GALNT14: variants seen among roughly 807,000 people sequenced by gnomAD.
The protein encoded by GALNT14 is UDP-GalNAc:polypeptide N-acetylgalactosaminyltransferase 14.
In GALNT14, 60 loss-of-function variants were observed where a neutral mutation model predicts 77.5. The ratio of observed to expected loss-of-function variants is 0.77; its 90% CI spans 0.63 to 0.96. The LOEUF (loss-of-function observed/expected upper bound fraction) is 0.96. GALNT14 is among the 40% of genes least tolerant of loss of function. GALNT14 has a pLI of 0.00. For missense variants in GALNT14, 710 were observed against 731.0 expected (o/e 0.97, Z 0.33); for synonymous variants, 280 against 281.7 (o/e 0.99, Z 0.06).
chr2:31,090,458 A>G (rs1247076121), intron 1 of GALNT14, among the ~76,000 whole-genome samples: 2 of 144,780 alleles, frequency 1.4e-5, no homozygotes, highest in Non-Finnish European at 3.0e-5. Context: ...CTCTGCTTGC[A>G]CTGCCTAAGG....
intron 1 of GALNT14, among the ~76,000 whole-genome samples, chr2:31,098,396 T>A (rs1447277829): frequency 6.6e-6 from 1 of 152,166 alleles, no homozygotes; most frequent in Non-Finnish European, 1.5e-5. Context: ...GTGCATCATC[T>A]TCTGACATGA....
chr2:30,968,521 A>G (rs1668146485), intron 2 of GALNT14, among the ~76,000 whole-genome samples: 1 of 152,194 alleles, frequency 6.6e-6, no homozygotes, highest in Admixed American at 6.5e-5. Flanking sequence ...CTGTCTACGG[A>G]GAGATGTCCA....
At chr2:30,892,261 G>T in the GALNT14 span, among the ~76,000 whole-genome samples, 1 of 152,200 alleles carries the variant, frequency 6.6e-6, no homozygotes, top group Admixed American at 6.5e-5. Context: ...AAGGGTGTAT[G>T]AAGGGAAAGA....
the GALNT14 span, among the ~76,000 whole-genome samples, chr2:30,895,228 G>A: frequency 6.6e-6 from 1 of 152,232 alleles, no homozygotes; most frequent in Non-Finnish European, 1.5e-5. Flanking sequence ...GACAGAGGCA[G>A]TGGGGGGTCC....
At chr2:31,080,617 CTTAT>C (rs1307167281) in intron 1 of GALNT14, among the ~76,000 whole-genome samples, 4 of 152,178 alleles carry the variant, frequency 2.6e-5, no homozygotes, top group Non-Finnish European at 5.9e-5. Context: ...TTCAGGATGA[CTTAT>C]TAAAGAAAAC....
At chr2:31,104,755 G>T (rs76113180) in intron 1 of GALNT14, among the ~76,000 whole-genome samples, 2,321 of 152,186 alleles carry the variant, frequency 0.015, 45 homozygotes, top group African/African-American at 0.053. Context: ...TGCATTCTTG[G>T]CACAACAGAA....
At chr2:30,914,555 G>A (rs181147586) in intron 13 of GALNT14, among the ~76,000 whole-genome samples, 1 of 152,294 alleles carries the variant, frequency 6.6e-6, no homozygotes, top group Admixed American at 6.5e-5. Flanking sequence ...CTCTCTAATA[G>A]AGTAATTCGG....
chr2:30,960,422 C>T (rs756890424), intron 3 of GALNT14, among the ~76,000 whole-genome samples: 5 of 151,924 alleles, frequency 3.3e-5, no homozygotes, highest in Non-Finnish European at 7.4e-5. Flanking sequence ...AAATCGCGTG[C>T]GGCTCTGCAC....
intron 1 of GALNT14, among the ~76,000 whole-genome samples, chr2:31,105,830 T>A (rs796621642): frequency 6.6e-6 from 1 of 152,266 alleles, no homozygotes; most frequent in South Asian, 2.1e-4. Context: ...AAGAAAAAAA[T>A]GTATGTATAT....
intron 8 of GALNT14, among the ~76,000 whole-genome samples, chr2:30,943,291 G>A (rs1290856453): frequency 6.6e-6 from 1 of 152,212 alleles, no homozygotes; most frequent in African/African-American, 2.4e-5. Flanking sequence ...GGGCTACCAA[G>A]GAAGGCAGGA....
chr2:31,035,553 A>ATGTGTGTGTGTGTGTGTGTGTG (rs573163116), intron 1 of GALNT14, among the ~76,000 whole-genome samples: 49 of 129,436 alleles, frequency 3.8e-4, no homozygotes, highest in Non-Finnish European at 6.7e-4. Context: ...GATAAAGAAA[A>ATGTGTGTGTGTGTGTGTGTGTG]TGTGTGTGTG....
At chr2:30,933,922 A>C (rs1245857341) in intron 9 of GALNT14, among the ~76,000 whole-genome samples, 1 of 152,240 alleles carries the variant, frequency 6.6e-6, no homozygotes, top group Non-Finnish European at 1.5e-5. Context: ...AGTGTGATTG[A>C]AAGATCAGCA....
At chr2:31,048,383 G>A (rs927570063) in intron 1 of GALNT14, among the ~76,000 whole-genome samples, 9 of 152,196 alleles carry the variant, frequency 5.9e-5, no homozygotes, top group Non-Finnish European at 1.2e-4. Context: ...CCCATGAGGA[G>A]CCTGATCAGG....
At chr2:31,069,451 G>A (rs1230373468) in intron 1 of GALNT14, among the ~76,000 whole-genome samples, 3 of 152,324 alleles carry the variant, frequency 2.0e-5, no homozygotes, top group Middle Eastern at 3.4e-3. Context: ...CTTCACAATA[G>A]CCCTAGGAAG....
intron 1 of GALNT14, among the ~76,000 whole-genome samples, chr2:31,130,678 C>G (rs1433537436): frequency 1.3e-5 from 2 of 150,174 alleles, no homozygotes; most frequent in African/African-American, 4.9e-5. Flanking sequence ...TCTGAAAAAC[C>G]AAAATACCAG....
chr2:31,095,817 G>A (rs1214846254), intron 1 of GALNT14, among the ~76,000 whole-genome samples: 2 of 152,136 alleles, frequency 1.3e-5, no homozygotes, highest in African/African-American at 2.4e-5. Flanking sequence ...TGTAAAATCT[G>A]AGAAATGGTA....
chr2:31,026,615 G>A (rs918066431), intron 1 of GALNT14, among the ~76,000 whole-genome samples: 1 of 152,174 alleles, frequency 6.6e-6, no homozygotes, highest in Non-Finnish European at 1.5e-5. Flanking sequence ...TATAGGGAGG[G>A]GGTCTGCCCC....
intron 1 of GALNT14, among the ~76,000 whole-genome samples, chr2:31,122,028 A>T (rs543432452): frequency 6.6e-6 from 1 of 152,292 alleles, no homozygotes; most frequent in South Asian, 2.1e-4. Flanking sequence ...AGAGGGTGAA[A>T]AAAAGGGCAA....
intron 1 of GALNT14, among the ~76,000 whole-genome samples, chr2:31,078,012 G>A (rs916787642): frequency 7.2e-5 from 11 of 152,298 alleles, no homozygotes; most frequent in Admixed American, 5.9e-4. Flanking sequence ...AGAGCAAGTC[G>A]GAAGAAAACA....
Sources: gnomAD v4.1 joint callset for allele counts (sites outside exome capture counted in the v4.1 genomes callset) on GRCh38, gnomAD v4.1.1 for gene constraint, MANE v1.5 for transcripts, NCBI Gene and HGNC (gene_info 2026-07-23, HGNC 2026-07-21) for gene names.